The following MPP4 variants were observed in gnomAD, a reference collection of about 807,000 sequenced individuals.
The protein encoded by MPP4 is MAGUK p55 subfamily member 4.
In MPP4, 91 loss-of-function variants were observed where a neutral mutation model predicts 98.3. The ratio of observed to expected loss-of-function variants is 0.93; its 90% CI spans 0.78 to 1.10. The LOEUF is 1.10. MPP4 is among the 50% of genes least tolerant of loss of function. MPP4 has a pLI of 0.00. For missense variants in MPP4, 744 were observed against 792.9 expected (o/e 0.94, Z 0.74); for synonymous variants, 261 against 271.8 (o/e 0.96, Z 0.39).
At chr2:201,691,819 A>C in intron 3 of MPP4, among the ~76,000 whole-genome samples, 1 of 152,236 alleles carries the variant, frequency 6.6e-6, no homozygotes, top group East Asian at 1.9e-4. Flanking sequence ...ACACTGGGCC[A>C]GAAGAAACTT....
Position 201,685,074 on chromosome 2 carries a change from C to T in MPP4, c.564G>A (p.Ala188=), listed in dbSNP as rs759565134. Residue 188 remains alanine, a synonymous_variant, in exon 7 of 22, where the codon GCG becomes GCA. Coordinates refer to ENST00000409474, the MANE Select transcript of MPP4 (RefSeq NM_033066.3). ...LVARIIHGGL[A]ERSGLLYAGD... ...GCTGCTCCAGCTTACCACTTCTCTC[C>T]GCCAGCCCACCGTGGATGATCCTGG... 2.5e-5 allele frequency: 41 copies of T among 1,611,212 alleles called. 1 individual carries two copies. The highest frequency in any genetic ancestry group is 1.3e-4 in the African/African-American group (10 of 74,824).
chr2:201,646,207 C>T (rs1012165), intron 21 of MPP4, among the ~76,000 whole-genome samples: 7,322 of 151,996 alleles, frequency 0.048, 200 homozygotes, highest in Admixed American at 0.07. Context: ...AACATAAAAC[C>T]AAAGAAAATG....
chr2:201,661,504 CT>C, intron 14 of MPP4: 1 of 456,532 alleles, frequency 2.2e-6, no homozygotes, highest in Non-Finnish European at 4.4e-6. Flanking sequence ...AGAGTTCTCA[CT>C]TTTCCAGCTG....
At chr2:201,692,833 C>A (rs1157576113) in intron 3 of MPP4, 75 bp downstream of exon 3, 2 of 1,555,756 alleles carry the variant, frequency 1.3e-6, no homozygotes, top group Non-Finnish European at 8.7e-7. Flanking sequence ...CCTGAATGGA[C>A]TGAAGCTGTC....
In MPP4 at chr2:201,675,282, G is replaced by T; in HGVS notation, c.930-11C>A. 8.1e-6 allele frequency: 13 copies of T among 1,598,662 alleles called. No individual in the cohort carries two copies. Among genetic ancestry groups the T allele is most frequent in the East Asian group, 2.3e-5 (1 of 44,312 alleles). On this transcript the variant is annotated splice_polypyrimidine_tract_variant and intron_variant, in intron 10 of 21. Coordinates refer to ENST00000409474, the MANE Select transcript of MPP4 (RefSeq NM_033066.3). Reference sequence around the variant, plus strand: ...AATTCCCGTTGCTTCCTATGGGGGGGAAAAAACCATGCGACAAAAAACAAA... The same window carrying T: ...AATTCCCGTTGCTTCCTATGGGGGGTAAAAAACCATGCGACAAAAAACAAA...
intron 8 of MPP4, 62 bp from the exon 9 acceptor site, chr2:201,681,629 G>A: frequency 1.6e-6 from 2 of 1,271,912 alleles, no homozygotes; most frequent in Non-Finnish European, 2.3e-6. Context: ...CTGGGGCTCG[G>A]TGGACAGAGT....
At chr2:201,646,209 A>C (rs1333268407) in intron 21 of MPP4, among the ~76,000 whole-genome samples, 1 of 152,178 alleles carries the variant, frequency 6.6e-6, no homozygotes, top group Non-Finnish European at 1.5e-5. Flanking sequence ...CATAAAACCA[A>C]AGAAAATGTA....
intron 14 of MPP4, among the ~76,000 whole-genome samples, chr2:201,662,807 G>C (rs1344922103): frequency 1.3e-5 from 2 of 152,122 alleles, no homozygotes; most frequent in Non-Finnish European, 2.9e-5. Flanking sequence ...AAAGCAATTA[G>C]AGACCAATGA....
chr2:201,681,261 G>T (rs1914258), intron 9 of MPP4, among the ~76,000 whole-genome samples: 11,909 of 152,108 alleles, frequency 0.078, 549 homozygotes, highest in East Asian at 0.23. Context: ...GAGAAGTTTA[G>T]GCTCAAATGT....
chr2:201,674,862 C>T (rs1018806740), intron 11 of MPP4, among the ~76,000 whole-genome samples: 1 of 152,050 alleles, frequency 6.6e-6, no homozygotes, highest in African/African-American at 2.4e-5. Context: ...AGGTTTTTTG[C>T]ATGTCTGACA....
intron 11 of MPP4, among the ~76,000 whole-genome samples, chr2:201,672,794 T>C (rs1688381614): frequency 6.6e-6 from 1 of 150,400 alleles, no homozygotes; most frequent in Admixed American, 6.6e-5. Flanking sequence ...CAGGACCAAA[T>C]GGAGCTGGTA....
chr2:201,674,844 A>T lies in MPP4; in HGVS notation c.994+363T>A, dbSNP rs147121472. ...GAACCTAAGATTGGCCTTTTGTGAC[A>T]TCTTTTTAGGTTTTTTGCATGTCTG... On this transcript the variant is annotated intron_variant, in intron 11 of 21. Coordinates refer to ENST00000409474, the MANE Select transcript of MPP4 (RefSeq NM_033066.3). Among the ~76,000 whole-genome samples the T allele has an allele frequency of 9.9e-3, 1,510 of 152,226 alleles. 18 individuals carry two copies. The highest frequency in any genetic ancestry group is 0.012 in the Non-Finnish European group (789 of 68,008).
In MPP4 at chr2:201,645,024, TAA is replaced by T. The variant is rs1272840495; in HGVS notation, c.*184_*185del. On this transcript the variant is annotated 3_prime_UTR_variant, in exon 22 of 22. Transcript: ENST00000409474. ...GCATATGAGGTAAAGGAAAAAAAAT[TAA>T]GTTAAAATAGGTAACCACATAACCA... is the stretch of plus-strand genomic sequence containing the variant. 2.3e-5 allele frequency: 10 copies of T among 430,570 alleles called. No homozygotes were observed. Among genetic ancestry groups the T allele is most frequent in the African/African-American group, 1.8e-4 (9 of 49,210 alleles). 26.7% of individuals were successfully genotyped at this position (430,570 alleles called of 1,614,324 possible).
intron 17 of MPP4, 111 bp downstream of exon 17, chr2:201,656,087 A>G (rs1687838382): frequency 8.3e-7 from 1 of 1,205,558 alleles, no homozygotes; most frequent in Non-Finnish European, 1.1e-6. Context: ...AGGTATTTGT[A>G]TGGGGGTCCA....
intron 7 of MPP4, 117 bp downstream of exon 7, chr2:201,684,947 C>CAA (rs1238485810): frequency 5.4e-4 from 275 of 512,120 alleles, no homozygotes; most frequent in Middle Eastern, 1.1e-3. Context: ...GACTCCATCT[C>CAA]AAAAAAAAAA....
intron 11 of MPP4, among the ~76,000 whole-genome samples, chr2:201,671,243 C>T (rs1465265511): frequency 6.6e-6 from 1 of 152,106 alleles, no homozygotes; most frequent in Non-Finnish European, 1.5e-5. Flanking sequence ...GGAAAAGGGG[C>T]TGAAGCCAGG....
chr2:201,650,286 T>C (rs1574597101), intron 18 of MPP4, 121 bp from the exon 19 acceptor site: 1 of 1,428,562 alleles, frequency 7.0e-7, no homozygotes, highest in East Asian at 2.7e-5. Context: ...GGAGATAAAA[T>C]GCTAGAACTA....
At position 201,690,226 on chromosome 2, in the gene MPP4, T is replaced by C. The variant is rs751344164; in HGVS notation, c.255A>G (p.Pro85=). ...CCTCATAGGATAACACCTGTGCATGTGGTGTGGCAGGAACTAGTTTCTTTT... is the reference window on the plus strand; with the variant it reads ...CCTCATAGGATAACACCTGTGCATGCGGTGTGGCAGGAACTAGTTTCTTTT... ...FKEKKLVPAT[P]HAQVLSYEVV... The change falls in exon 4 of 22, where the codon CCA becomes CCG. Residue 85 remains proline (P), a synonymous_variant. Transcript: ENST00000409474. 6 of 1,609,562 alleles carry C rather than the reference T, an allele frequency of 3.7e-6. No homozygotes were observed. In the East Asian group the frequency reaches 1.3e-4, roughly 36 times the overall value.
chr2:201,693,098 C>T, intron 2 of MPP4, 69 bp from the exon 3 acceptor site: 1 of 1,544,036 alleles, frequency 6.5e-7, no homozygotes, highest in Non-Finnish European at 8.8e-7. Flanking sequence ...ACTCAGATAG[C>T]TGGGGCATGC....
Sources: allele counts gnomAD v4.1 joint callset (sites outside exome capture counted in the v4.1 genomes callset), GRCh38; gene constraint gnomAD v4.1.1; transcripts MANE v1.5; gene names NCBI Gene and HGNC (gene_info 2026-07-23, HGNC 2026-07-21).